The following NTM variants were observed in gnomAD, a reference collection of about 807,000 sequenced individuals.
NTM encodes IgLON family member 2.
NTM carries 13 observed loss-of-function variants against 42.1 expected under a neutral mutation model. The ratio of observed to expected loss-of-function variants is 0.31; its 90% CI spans 0.20 to 0.49. The LOEUF is 0.49. NTM is among the 20% of genes least tolerant of loss of function. NTM has a pLI of 0.99. For missense variants in NTM, 373 were observed against 452.8 expected (o/e 0.82, Z 1.60); for synonymous variants, 187 against 179.2 (o/e 1.04, Z -0.35).
chr11:131,777,014 C>G, intron 1 of NTM: 1 of 460,006 alleles, frequency 2.2e-6, no homozygotes. Flanking sequence ...AGTGCATATA[C>G]TACAAAAGGT....
chr11:131,904,207 G>A (rs1201742349), intron 1 of NTM, among the ~76,000 whole-genome samples: 1 of 152,130 alleles, frequency 6.6e-6, no homozygotes. Context: ...AAAATGAGGG[G>A]AAAAGATCAA....
intron 1 of NTM, among the ~76,000 whole-genome samples, chr11:131,725,159 A>C (rs2078810880): frequency 6.6e-6 from 1 of 152,256 alleles, no homozygotes; most frequent in South Asian, 2.1e-4. Context: ...TGATGGATGC[A>C]GTACTTCACC....
chr11:131,590,582 G>A (rs73588489), intron 1 of NTM, among the ~76,000 whole-genome samples: 5,478 of 152,298 alleles, frequency 0.036, 287 homozygotes, highest in African/African-American at 0.12. Context: ...GCTTCTTAAT[G>A]TCCCAATATC....
chr11:131,806,084 C>T lies in NTM; in HGVS notation c.83-105480C>T, dbSNP rs191510112. Among the ~76,000 whole-genome samples, 256 of 152,216 alleles carry T rather than the reference C, an allele frequency of 1.7e-3. 2 individuals carry two copies. The highest frequency in any genetic ancestry group is 3.1e-3 in the Admixed American group (48 of 15,282). ...TTTCTCTGTTGTATCTTTATATAAG[C>T]ATGAAAACATGAAACAGCATTGACT... is the stretch of plus-strand genomic sequence containing the variant. On this transcript the variant is annotated intron_variant, in intron 1 of 8. Transcript: ENST00000683400.
intron 4 of NTM, among the ~76,000 whole-genome samples, chr11:132,217,289 G>C (rs563872984): frequency 6.6e-6 from 1 of 151,666 alleles, no homozygotes; most frequent in Non-Finnish European, 1.5e-5. Flanking sequence ...GAAATCAATC[G>C]GTAGAAAAAA....
chr11:131,738,694 C>T (rs556532115), intron 1 of NTM, among the ~76,000 whole-genome samples: 16 of 152,186 alleles, frequency 1.1e-4, no homozygotes, highest in Non-Finnish European at 2.2e-4. Flanking sequence ...CTCAGGTGGA[C>T]ATCTATGCTT....
intron 2 of NTM, 24 bp downstream of exon 2, chr11:131,911,672 G>A (rs1181530836): frequency 6.2e-7 from 1 of 1,613,648 alleles, no homozygotes; most frequent in East Asian, 2.2e-5. Context: ...ATTGTTCTGC[G>A]AACTGATGGT....
chr11:131,789,483 AGAAGAAGAG>A (rs1413570702), intron 1 of NTM, among the ~76,000 whole-genome samples: 141 of 11,486 alleles, frequency 0.012, 53 homozygotes, highest in South Asian at 0.028. Context: ...AAGAAGAAGA[AGAAGAAGAG>A]GAAAGAAGAA....
At chr11:131,521,314 C>CAGAA (rs1195516061) in intron 1 of NTM, among the ~76,000 whole-genome samples, 5 of 101,666 alleles carry the variant, frequency 4.9e-5, no homozygotes, top group East Asian at 3.0e-4. Context: ...GACTCCATCT[C>CAGAA]AGAAATAAAT....
intron 1 of NTM, among the ~76,000 whole-genome samples, chr11:131,768,088 A>G (rs1169800148): frequency 2.0e-5 from 3 of 151,128 alleles, no homozygotes; most frequent in Non-Finnish European, 4.4e-5. Flanking sequence ...TTCTGACATC[A>G]AATGTTCATC....
chr11:132,055,674 A>T (rs565540778), intron 2 of NTM, among the ~76,000 whole-genome samples: 1 of 85,518 alleles, frequency 1.2e-5, no homozygotes, highest in African/African-American at 4.1e-5. Context: ...CGAGAGTGAG[A>T]GAGAGAGACA....
At chr11:131,866,529 C>T (rs1204630493) in intron 1 of NTM, among the ~76,000 whole-genome samples, 1 of 152,242 alleles carries the variant, frequency 6.6e-6, no homozygotes, top group African/African-American at 2.4e-5. Flanking sequence ...GTATGCAAAA[C>T]TAAGACCCAC....
intron 1 of NTM, among the ~76,000 whole-genome samples, chr11:131,633,987 C>A (rs1215273757): frequency 6.6e-6 from 1 of 151,964 alleles, no homozygotes; most frequent in African/African-American, 2.4e-5. Flanking sequence ...AATGAGACAG[C>A]CCAAAATCAT....
intron 2 of NTM, among the ~76,000 whole-genome samples, chr11:132,088,107 T>C (rs540168130): frequency 5.9e-5 from 9 of 152,176 alleles, no homozygotes; most frequent in Non-Finnish European, 1.3e-4. Flanking sequence ...CCTGTGGCCA[T>C]TGGGATGGTG....
chr11:131,583,245 C>T (rs552897094), intron 1 of NTM, among the ~76,000 whole-genome samples: 1 of 152,234 alleles, frequency 6.6e-6, no homozygotes, highest in Non-Finnish European at 1.5e-5. Context: ...CCTCTCTGCA[C>T]CTTGAATTTT....
intron 1 of NTM, among the ~76,000 whole-genome samples, chr11:131,521,357 A>G (rs1265373181): frequency 7.1e-6 from 1 of 141,594 alleles, no homozygotes; most frequent in African/African-American, 2.7e-5. Context: ...ATAAATAAAT[A>G]AATGCAGAAG....
intron 2 of NTM, among the ~76,000 whole-genome samples, chr11:132,104,005 A>T (rs2061952673): frequency 6.6e-6 from 1 of 152,230 alleles, no homozygotes; most frequent in African/African-American, 2.4e-5. Flanking sequence ...TATGGTATAC[A>T]CCAACTTGTA....
intron 6 of NTM, among the ~76,000 whole-genome samples, chr11:132,313,612 G>A (rs2095341539): frequency 6.6e-6 from 1 of 152,198 alleles, no homozygotes; most frequent in African/African-American, 2.4e-5. Context: ...ATCTTGCAAA[G>A]GAAAGTAGGT....
chr11:131,586,319 T>G (rs2058857148), intron 1 of NTM, among the ~76,000 whole-genome samples: 1 of 152,192 alleles, frequency 6.6e-6, no homozygotes, highest in African/African-American at 2.4e-5. Flanking sequence ...GTTATGCTTA[T>G]TCTATTATTC....
Sources: allele counts gnomAD v4.1 joint callset (sites outside exome capture counted in the v4.1 genomes callset), GRCh38; gene constraint gnomAD v4.1.1; transcripts MANE v1.5; gene names NCBI Gene and HGNC (gene_info 2026-07-23, HGNC 2026-07-21).